Variants in GRK3 observed in about 807,000 individuals in gnomAD.
GRK3 encodes the protein G protein-coupled receptor kinase 3.
Under a neutral mutation model 95.7 loss-of-function variants are expected in GRK3, and 54 were observed. The observed-to-expected ratio is 0.56, with a 90% confidence interval of 0.45 to 0.71. GRK3 has a LOEUF of 0.71. Among genes scored for constraint, GRK3 ranks in the 30% least tolerant of loss-of-function variants. The pLI is 0.00. For missense variants in GRK3, 649 were observed against 851.2 expected (o/e 0.76, Z 2.96); for synonymous variants, 281 against 290.8 (o/e 0.97, Z 0.34).
chr22:25,658,302 G>A (rs2084886668), intron 3 of GRK3, among the ~76,000 whole-genome samples: 1 of 152,134 alleles, frequency 6.6e-6, no homozygotes, highest in South Asian at 2.1e-4. Flanking sequence ...ACTCTGTTAT[G>A]CTCCTCCAAG....
In GRK3 at chr22:25,618,368, C is replaced by G. The variant is rs146898953; in HGVS notation, c.190+13915C>G. ...TCTTTTATCCTGGCAATATATTGCT[C>G]TGGTGTCTACTTTGTCTAATATTGA... is the stretch of plus-strand genomic sequence containing the variant. On this transcript the variant is annotated intron_variant, in intron 2 of 20. Transcript: ENST00000324198. 3.9e-5 allele frequency among the ~76,000 whole-genome samples: 6 copies of G among 152,330 alleles called. No homozygotes were observed. In the East Asian group the frequency reaches 9.6e-4, roughly 24 times the overall value.
At chr22:25,657,477 A>G (rs574528218) in intron 3 of GRK3, among the ~76,000 whole-genome samples, 8 of 152,310 alleles carry the variant, frequency 5.3e-5, no homozygotes, top group Middle Eastern at 3.4e-3. Context: ...ATTAATACAG[A>G]TGTAGACACT....
intron 15 of GRK3, among the ~76,000 whole-genome samples, chr22:25,704,930 A>G (rs2085287995): frequency 6.6e-6 from 1 of 152,192 alleles, no homozygotes; most frequent in African/African-American, 2.4e-5. Flanking sequence ...TAATATCTGG[A>G]AAGCTTATAG....
chr22:25,664,459 A>G (rs1208032265), intron 5 of GRK3, among the ~76,000 whole-genome samples: 1 of 152,014 alleles, frequency 6.6e-6, no homozygotes, highest in Non-Finnish European at 1.5e-5. Context: ...GAAAATAATC[A>G]ACTCATCTTT....
intron 12 of GRK3, among the ~76,000 whole-genome samples, chr22:25,694,782 C>T (rs1036673410): frequency 8.5e-5 from 13 of 152,210 alleles, no homozygotes; most frequent in African/African-American, 2.9e-4. Flanking sequence ...TGACCCCATG[C>T]ACCTCCACAT....
intron 13 of GRK3, among the ~76,000 whole-genome samples, chr22:25,695,870 T>C (rs1315773871): frequency 1.3e-5 from 2 of 150,330 alleles, no homozygotes; most frequent in Admixed American, 1.3e-4. Flanking sequence ...CGTCTCGCTC[T>C]GTCTCCCAGG....
At chr22:25,686,853 T>A (rs1023936895) in intron 10 of GRK3, among the ~76,000 whole-genome samples, 1 of 152,250 alleles carries the variant, frequency 6.6e-6, no homozygotes, top group Non-Finnish European at 1.5e-5. Context: ...AGACGGAGTC[T>A]CTGTTGCCCA....
chr22:25,687,609 A>C lies in GRK3; in HGVS notation c.899A>C (p.Glu300Ala), dbSNP rs2085126302. The part of the protein sequence containing the change: ...SEKEMRFYAT[E>A]IILGLEHMHN... ...AAGGAGATGCGGTTTTATGCCACTG[A>C]AATCATTCTGGGTCTGGAACACATG... Residue 300 changes from glutamate (E) to alanine (A), a missense_variant, in exon 11 of 21, where the codon GAA (glutamate) becomes GCA (alanine). Coordinates refer to ENST00000324198, the MANE Select transcript of GRK3 (RefSeq NM_005160.4). The C allele has an allele frequency of 6.2e-7, 1 of 1,614,162 alleles. No individual in the cohort carries two copies. Among genetic ancestry groups the C allele is most frequent in the African/African-American group, 1.3e-5 (1 of 75,048 alleles).
intron 1 of GRK3, among the ~76,000 whole-genome samples, chr22:25,573,245 T>G (rs1483573918): frequency 6.6e-6 from 1 of 152,194 alleles, no homozygotes; most frequent in East Asian, 1.9e-4. Flanking sequence ...AGTAAGAATA[T>G]CAAAATTTAT....
Position 25,644,146 on chromosome 22 carries a change from T to G in GRK3, c.191-446T>G, listed in dbSNP as rs528174682. ...AGAAGGGTTCTGGTGTTTTTTTTTTTGTTTGTTTGTTTTTTTTTTAGGGAG... is the reference window on the plus strand; with the variant it reads ...AGAAGGGTTCTGGTGTTTTTTTTTTGGTTTGTTTGTTTTTTTTTTAGGGAG... On this transcript the variant is annotated intron_variant, in intron 2 of 20. Transcript: ENST00000324198. Among the ~76,000 whole-genome samples, 593 of 151,086 alleles carry G rather than the reference T, an allele frequency of 3.9e-3. 10 individuals are homozygous for G. Among genetic ancestry groups the G allele is most frequent in the Middle Eastern group, 0.024 (7 of 286 alleles).
At chr22:25,680,436 A>C (rs914369576) in intron 9 of GRK3, among the ~76,000 whole-genome samples, 1 of 152,230 alleles carries the variant, frequency 6.6e-6, no homozygotes, top group African/African-American at 2.4e-5. Flanking sequence ...GTGGTTATTA[A>C]AATATTAATT....
In GRK3 at chr22:25,605,548, T is replaced by A. The variant is rs186000511; in HGVS notation, c.190+1095T>A. ...TATCTTTTTATTTGCTAGTTAAAAA[T>A]TTTTTTAATTTATTTTTTGTGGATT... On this transcript the variant is annotated intron_variant, in intron 2 of 20. Transcript: ENST00000324198. Among the ~76,000 whole-genome samples, 314 of 152,280 alleles carry A rather than the reference T, an allele frequency of 2.1e-3. 1 individual carries two copies. The highest frequency in any genetic ancestry group is 7.2e-3 in the African/African-American group (300 of 41,532).
chr22:25,697,351 T>C (rs2085217640), intron 13 of GRK3, among the ~76,000 whole-genome samples: 1 of 152,244 alleles, frequency 6.6e-6, no homozygotes, highest in South Asian at 2.1e-4. Flanking sequence ...TCAGTCTTAT[T>C]TGGCTGTAAT....
intron 3 of GRK3, among the ~76,000 whole-genome samples, chr22:25,661,336 T>G (rs2084908051): frequency 6.6e-6 from 1 of 152,226 alleles, no homozygotes; most frequent in Non-Finnish European, 1.5e-5. Flanking sequence ...ATTATGTTTC[T>G]ACATTTAAGT....
Position 25,725,212 on chromosome 22 carries a change from A to G in GRK3, c.*2762A>G, listed in dbSNP as rs548334746. ...TGTTCACCCTTATTACACTCCAACT[A>G]TTAAAAAGGTCAAAATTCAGCCTAT... On this transcript the variant is annotated 3_prime_UTR_variant, in exon 21 of 21. Coordinates refer to ENST00000324198, the MANE Select transcript of GRK3 (RefSeq NM_005160.4). 5.1e-6 allele frequency: 1 copy of G among 196,274 alleles called. No homozygotes were observed. The highest frequency in any genetic ancestry group is 2.3e-5 in the African/African-American group (1 of 43,598). The allele number at this position is 196,274 out of a possible 1,614,324, so 12.2% of individuals were successfully genotyped here. A position where few individuals can be genotyped will look rare whatever the true frequency, so the allele number is the denominator to read the frequency against.
intron 2 of GRK3, among the ~76,000 whole-genome samples, chr22:25,628,750 G>C (rs2084644572): frequency 6.6e-6 from 1 of 152,198 alleles, no homozygotes; most frequent in African/African-American, 2.4e-5. Flanking sequence ...CTTGTCACAG[G>C]TTGTCACAAG....
chr22:25,579,745 T>C (rs534680281), intron 1 of GRK3, among the ~76,000 whole-genome samples: 1 of 152,202 alleles, frequency 6.6e-6, no homozygotes, highest in South Asian at 2.1e-4. Flanking sequence ...GTGCTGGGAT[T>C]ATAGGAGTGG....
At chr22:25,584,211 C>G (rs1258731326) in intron 1 of GRK3, among the ~76,000 whole-genome samples, 1 of 152,244 alleles carries the variant, frequency 6.6e-6, no homozygotes, top group Non-Finnish European at 1.5e-5. Flanking sequence ...TTGCTTTCAG[C>G]AGTTTCAGTT....
intron 1 of GRK3, among the ~76,000 whole-genome samples, chr22:25,599,947 G>A (rs1378009563): frequency 6.6e-6 from 1 of 152,162 alleles, no homozygotes; most frequent in East Asian, 1.9e-4. Flanking sequence ...TGGTTTGGCA[G>A]TTTTTAAAAA....
Sources: allele counts gnomAD v4.1 joint callset (sites outside exome capture counted in the v4.1 genomes callset), GRCh38; gene constraint gnomAD v4.1.1; transcripts MANE v1.5; gene names NCBI Gene and HGNC (gene_info 2026-07-23, HGNC 2026-07-21).